NEMP2: variants seen among roughly 807,000 people sequenced by gnomAD.
The protein encoded by NEMP2 is UPF0571 transmembrane protein.
In NEMP2, 53 loss-of-function variants were observed where a neutral mutation model predicts 54.2. The observed-to-expected ratio is 0.98, with a 90% CI of 0.78 to 1.23. The LOEUF (loss-of-function observed/expected upper bound fraction) is 1.23, where lower values mean the gene tolerates loss of function less well. NEMP2 is among the 50% of genes most tolerant of loss of function. The pLI, the probability that NEMP2 is intolerant of heterozygous loss-of-function variation, is 0.00. For missense variants in NEMP2, 455 were observed against 511.3 expected (o/e 0.89, Z 1.06); for synonymous variants, 197 against 190.3 (o/e 1.04, Z -0.29).
the NEMP2 span, among the ~76,000 whole-genome samples, chr2:190,425,413 T>C: frequency 6.6e-6 from 1 of 152,182 alleles, no homozygotes; most frequent in South Asian, 2.1e-4. The surrounding 1 kb of genome is among the most constrained non-coding windows in gnomAD (Gnocchi z 4.3). Flanking sequence ...TTGTTCCCTA[T>C]CTTAGAGAAA....
chr2:190,556,221 CA>C, the NEMP2 span, among the ~76,000 whole-genome samples: 1 of 152,272 alleles, frequency 6.6e-6, no homozygotes, highest in South Asian at 2.1e-4. Context: ...GAACCAATGC[CA>C]AAAACCACAT....
the NEMP2 span, among the ~76,000 whole-genome samples, chr2:190,486,661 G>C: frequency 3.3e-5 from 5 of 152,166 alleles, no homozygotes; most frequent in African/African-American, 4.8e-5. Context: ...AATAAATTTA[G>C]TCCCTGTTAT....
chr2:190,584,911 G>C, the NEMP2 span, among the ~76,000 whole-genome samples: 1 of 40,996 alleles, frequency 2.4e-5, no homozygotes, highest in East Asian at 9.5e-4. The surrounding 1 kb of genome is among the most constrained non-coding windows in gnomAD (Gnocchi z 4.2). Flanking sequence ...AAGAAAGAAA[G>C]AAAGAAAGAA....
the NEMP2 span, among the ~76,000 whole-genome samples, chr2:190,607,386 A>G: frequency 6.6e-6 from 1 of 152,310 alleles, no homozygotes; most frequent in African/African-American, 2.4e-5. The surrounding 1 kb of genome is among the most constrained non-coding windows in gnomAD (Gnocchi z 5.2). Flanking sequence ...TACTGGAATC[A>G]CTGGGAGCTT....
At chr2:190,535,380 T>G (rs1439890139), upstream of NEMP2, among the ~76,000 whole-genome samples, 1 of 152,138 alleles carries the variant, frequency 6.6e-6, no homozygotes, top group South Asian at 2.1e-4. Flanking sequence ...TAAAATTACC[T>G]TATGTTAAAA....
At chr2:190,603,051 C>T in the NEMP2 span, among the ~76,000 whole-genome samples, 1 of 152,056 alleles carries the variant, frequency 6.6e-6, no homozygotes, top group African/African-American at 2.4e-5. Context: ...ATGAAATTTT[C>T]CTTTGAGGAA....
the NEMP2 span, chr2:190,610,543 T>C: frequency 3.3e-5 from 5 of 152,234 alleles, no homozygotes; most frequent in Middle Eastern, 3.2e-3. This position sits in a 1 kb window ranked among gnomAD's most constrained non-coding sequence, Gnocchi z 5.4. Context: ...TAAGTCAAGT[T>C]TGATTCCTTA....
At chr2:190,489,999 C>T in the NEMP2 span, 6 of 656,558 alleles carry the variant, frequency 9.1e-6, no homozygotes, top group Non-Finnish European at 1.3e-5. This position sits in a 1 kb window ranked among gnomAD's most constrained non-coding sequence, Gnocchi z 6.6. Context: ...AGTGGCGTAT[C>T]GATGAATTCA....
chr2:190,451,673 G>A, the NEMP2 span, among the ~76,000 whole-genome samples: 3 of 152,206 alleles, frequency 2.0e-5, no homozygotes, highest in African/African-American at 7.2e-5. The surrounding 1 kb of genome is among the most constrained non-coding windows in gnomAD (Gnocchi z 5.0). Context: ...TGGCATTTGA[G>A]CAGAGTCCTG....
At chr2:190,459,321 G>A in the NEMP2 span, among the ~76,000 whole-genome samples, 28 of 152,260 alleles carry the variant, frequency 1.8e-4, no homozygotes, top group South Asian at 4.6e-3. This position sits in a 1 kb window ranked among gnomAD's most constrained non-coding sequence, Gnocchi z 5.3. Flanking sequence ...GTTCAGCTTC[G>A]TCAAATTTAG....
At chr2:190,626,978 G>GA in the NEMP2 span, among the ~76,000 whole-genome samples, 1 of 152,150 alleles carries the variant, frequency 6.6e-6, no homozygotes, top group African/African-American at 2.4e-5. The surrounding 1 kb of genome is among the most constrained non-coding windows in gnomAD (Gnocchi z 4.5). Context: ...CTCATTTCCA[G>GA]AAAATCATAG....
Position 190,510,271 on chromosome 2 carries a change from T to C in NEMP2, c.1130+90A>G. ...CTGTTATCCAGGGAAACAGTCTATT[T>C]CTACCCTGAAGTGCCTGTACCAAAC... On this transcript the variant is annotated intron_variant, in intron 8 of 8. Coordinates refer to ENST00000409150, the MANE Select transcript of NEMP2 (RefSeq NM_001142645.2). This position sits in a 1 kb window ranked among gnomAD's most constrained non-coding sequence, Gnocchi z 5.7. 7.0e-7 allele frequency: 1 copy of C among 1,438,784 alleles called. No homozygotes were observed. Among genetic ancestry groups the C allele is most frequent in the Non-Finnish European group, 9.4e-7 (1 of 1,063,656 alleles). The allele number at this position is 1,438,784 out of a possible 1,614,324, so 89.1% of individuals were successfully genotyped here.
the NEMP2 span, among the ~76,000 whole-genome samples, chr2:190,477,013 A>G: frequency 7.5e-6 from 1 of 132,762 alleles, no homozygotes; most frequent in Non-Finnish European, 1.5e-5. Flanking sequence ...ATGTGAACAC[A>G]TGGACACAGG....
In NEMP2 at chr2:190,534,547, G is replaced by GC; in HGVS notation, c.97+11_97+12insG. On this transcript the variant is annotated intron_variant, in intron 1 of 8. Transcript: ENST00000409150. ...ACGCACGCGCGCGCCGCCGCCGCCG[G>GC]TCCCGGGTTACCTGATAACGCTGCC... is the stretch of plus-strand genomic sequence containing the variant. 7.2e-7 allele frequency: 1 copy of GC among 1,393,352 alleles called. No individual in the cohort carries two copies. The highest frequency in any genetic ancestry group is 9.3e-7 in the Non-Finnish European group (1 of 1,076,966). The allele number at this position is 1,393,352 out of a possible 1,614,324, so 86.3% of individuals were successfully genotyped here. A position where few individuals can be genotyped will look rare whatever the true frequency, so the allele number is the denominator to read the frequency against.
At chr2:190,641,943 T>C in the NEMP2 span, among the ~76,000 whole-genome samples, 9 of 152,242 alleles carry the variant, frequency 5.9e-5, no homozygotes, top group African/African-American at 2.2e-4. Flanking sequence ...AAGTTTCCAT[T>C]TACATTTCTT....
chr2:190,593,101 G>C, the NEMP2 span, among the ~76,000 whole-genome samples: 1 of 152,056 alleles, frequency 6.6e-6, no homozygotes, highest in Non-Finnish European at 1.5e-5. This position sits in a 1 kb window ranked among gnomAD's most constrained non-coding sequence, Gnocchi z 4.5. Context: ...CTCTCAATTG[G>C]CTATGTCTTA....
chr2:190,469,216 GTAGT>G, the NEMP2 span, among the ~76,000 whole-genome samples: 1 of 152,298 alleles, frequency 6.6e-6, no homozygotes, highest in African/African-American at 2.4e-5. This position sits in a 1 kb window ranked among gnomAD's most constrained non-coding sequence, Gnocchi z 5.3. Context: ...ATAGTTTATA[GTAGT>G]TAGTGAATGA....
chr2:190,497,585 C>G, the NEMP2 span: 3 of 1,614,148 alleles, frequency 1.9e-6, no homozygotes, highest in Non-Finnish European at 2.5e-6. This position sits in a 1 kb window ranked among gnomAD's most constrained non-coding sequence, Gnocchi z 5.2. Context: ...CCAGGAAGAA[C>G]AGGAAGATGT....
chr2:190,641,340 T>C, the NEMP2 span: 8 of 152,200 alleles, frequency 5.3e-5, no homozygotes, highest in Non-Finnish European at 8.8e-5. Flanking sequence ...GCTCCTTTCA[T>C]GAAAAAGCCA....
Sources: allele counts gnomAD v4.1 joint callset (sites outside exome capture counted in the v4.1 genomes callset), GRCh38; gene constraint gnomAD v4.1.1; non-coding constraint Gnocchi (gnomAD v3.1); transcripts MANE v1.5; gene names NCBI Gene and HGNC (gene_info 2026-07-23, HGNC 2026-07-21).